PKN2: variants seen among roughly 807,000 people sequenced by gnomAD.
The protein encoded by PKN2 is protein kinase N2.
In PKN2, 38 loss-of-function variants were observed where a neutral mutation model predicts 119.1. The observed-to-expected ratio is 0.32, with a 90% CI of 0.25 to 0.42. PKN2 has a LOEUF of 0.42. PKN2 is among the 10% of genes least tolerant of loss of function. The pLI is 1.00. For synonymous variants in PKN2, 390 were observed against 384.9 expected, an observed-to-expected ratio of 1.01 and a Z score of -0.15; for missense variants, 850 against 1,165.1, an observed-to-expected ratio of 0.73 and a Z score of 3.94.
At chr1:88,709,100 A>G (rs1667120089) in intron 1 of PKN2, among the ~76,000 whole-genome samples, 1 of 151,556 alleles carries the variant, frequency 6.6e-6, no homozygotes, top group African/African-American at 2.4e-5. Flanking sequence ...GCCACCCAGG[A>G]TGGAGTACAG....
intron 1 of PKN2, among the ~76,000 whole-genome samples, chr1:88,717,382 CAG>C (rs1667497685): frequency 6.6e-6 from 1 of 152,068 alleles, no homozygotes; most frequent in African/African-American, 2.4e-5. Context: ...TAATATCCTG[CAG>C]AGTGTTTTCC....
intron 2 of PKN2, among the ~76,000 whole-genome samples, chr1:88,747,417 G>A (rs932491505): frequency 6.6e-5 from 10 of 152,042 alleles, no homozygotes; most frequent in African/African-American, 2.4e-4. Flanking sequence ...ATGGGGTACT[G>A]TTGTCATTCT....
At position 88,741,147 on chromosome 1, in the gene PKN2, A is replaced by T. The variant is rs758978121; in HGVS notation, c.208A>T (p.Arg70Trp). 6.2e-7 allele frequency: 1 copy of T among 1,612,874 alleles called. No individual in the cohort carries two copies. The highest frequency in any genetic ancestry group is 1.1e-5 in the South Asian group (1 of 90,742). ...LKIKEGAENL[R>W]KVTTDKKSLA... ...AATCAAAGAAGGAGCTGAAAATCTG[A>T]GGAAAGTCACAACAGATAAAAAAAG... is the stretch of plus-strand genomic sequence containing the variant. The change falls in exon 2 of 22, where the codon AGG becomes TGG. Residue 70 changes from arginine to tryptophan, a missense_variant. Coordinates refer to ENST00000370521, the MANE Select transcript of PKN2 (RefSeq NM_006256.4).
At chr1:88,761,189 G>A (rs779409181) in intron 3 of PKN2, among the ~76,000 whole-genome samples, 17 of 152,034 alleles carry the variant, frequency 1.1e-4, no homozygotes, top group Non-Finnish European at 2.1e-4. Context: ...GTTGTGAGCC[G>A]CTGAACCAGA....
chr1:88,769,226 A>G (rs444329), intron 3 of PKN2, among the ~76,000 whole-genome samples: 108,419 of 152,108 alleles, frequency 0.71, 39,663 homozygotes, highest in African/African-American at 0.88. Context: ...CTTAAGATAT[A>G]ACAGAAGTGT....
At chr1:88,777,298 C>T (rs958522519) in intron 6 of PKN2, among the ~76,000 whole-genome samples, 5 of 152,058 alleles carry the variant, frequency 3.3e-5, no homozygotes, top group African/African-American at 1.2e-4. Context: ...TTTGTAGACA[C>T]ATCACTTTTC....
chr1:88,722,652 G>A (rs1361042200), intron 1 of PKN2, among the ~76,000 whole-genome samples: 1 of 152,000 alleles, frequency 6.6e-6, no homozygotes, highest in African/African-American at 2.4e-5. Context: ...ACAGTGGCAC[G>A]TGCCTATATA....
intron 3 of PKN2, among the ~76,000 whole-genome samples, chr1:88,761,612 TAAAAAA>T (rs368283566): frequency 3.9e-5 from 4 of 102,020 alleles, no homozygotes; most frequent in Non-Finnish European, 6.1e-5. Flanking sequence ...CCTGTCTCTT[TAAAAAA>T]AAAAAAAAAA....
chr1:88,691,168 A>T (rs1181360521), intron 1 of PKN2, among the ~76,000 whole-genome samples: 1 of 152,012 alleles, frequency 6.6e-6, no homozygotes, highest in Non-Finnish European at 1.5e-5. Context: ...GGCTCAAGTG[A>T]TTCGCCCATC....
In PKN2 at chr1:88,834,796, C is replaced by A. The variant is rs1296414492; in HGVS notation, c.*1348C>A. 6.6e-6 allele frequency: 1 copy of A among 152,166 alleles called. No homozygotes were observed. Among genetic ancestry groups the A allele is most frequent in the East Asian group, 1.9e-4 (1 of 5,190 alleles). 9.4% of individuals were successfully genotyped at this position (152,166 alleles called of 1,614,324 possible). On this transcript the variant is annotated 3_prime_UTR_variant, in exon 22 of 22. Transcript: ENST00000370521. Reference sequence around the variant, plus strand: ...TTTACAAACCATGACTTTCCACTTGCCTGTAGTTTTTTGTTTGTTTTGGTT... The same window carrying A: ...TTTACAAACCATGACTTTCCACTTGACTGTAGTTTTTTGTTTGTTTTGGTT...
At chr1:88,770,244 A>G in intron 3 of PKN2, 108 bp from the exon 4 acceptor site, 1 of 627,882 alleles carries the variant, frequency 1.6e-6, no homozygotes, top group South Asian at 2.1e-5. Flanking sequence ...GCATTCTTTT[A>G]ACTCTGTTTT....
chr1:88,745,087 C>A (rs1305023116), intron 2 of PKN2, among the ~76,000 whole-genome samples: 1 of 152,008 alleles, frequency 6.6e-6, no homozygotes, highest in Non-Finnish European at 1.5e-5. Flanking sequence ...ATTCTATGAA[C>A]AAATTAGGTA....
intron 2 of PKN2, among the ~76,000 whole-genome samples, chr1:88,757,127 T>A (rs2100774888): frequency 6.6e-6 from 1 of 152,304 alleles, no homozygotes; most frequent in Admixed American, 6.5e-5. Context: ...TTTGGGGAAT[T>A]CAGTTAGAAT....
chr1:88,694,629 C>T (rs1666462284), intron 1 of PKN2, among the ~76,000 whole-genome samples: 1 of 152,058 alleles, frequency 6.6e-6, no homozygotes. Flanking sequence ...TGGTTAAATA[C>T]CAGGGTGTCC....
chr1:88,699,409 T>C (rs984140156), intron 1 of PKN2, among the ~76,000 whole-genome samples: 2 of 152,212 alleles, frequency 1.3e-5, no homozygotes, highest in Non-Finnish European at 2.9e-5. Context: ...TTTTTTCCCC[T>C]TTTTTAAAAA....
At chr1:88,731,566 A>G (rs939334232) in intron 1 of PKN2, among the ~76,000 whole-genome samples, 2 of 152,210 alleles carry the variant, frequency 1.3e-5, no homozygotes, top group African/African-American at 4.8e-5. Context: ...TGCTTTAAGC[A>G]TGCTTTCCCC....
At chr1:88,820,841 A>C (rs1192184476) in intron 16 of PKN2, among the ~76,000 whole-genome samples, 1 of 152,204 alleles carries the variant, frequency 6.6e-6, no homozygotes, top group Non-Finnish European at 1.5e-5. Context: ...GCTATTCTAC[A>C]CTGAAGACAT....
chr1:88,833,103 C>A lies in PKN2; in HGVS notation c.2697C>A (p.Arg899=). The A allele has an allele frequency of 6.2e-7, 1 of 1,612,690 alleles. No homozygotes were observed. Among genetic ancestry groups the A allele is most frequent in the Non-Finnish European group, 8.5e-7 (1 of 1,179,258 alleles). The change falls in exon 21 of 22, where the codon CGC becomes CGA. Residue 899 remains arginine, a synonymous_variant. Transcript: ENST00000370521. ...TGTTAAGAAGAAATCCTGAACGGCG[C>A]CTTGGGGCTAGCGAGAAAGATGCAG... is the stretch of plus-strand genomic sequence containing the variant. ...RRLLRRNPER[R]LGASEKDAED...
At chr1:88,832,619 G>A (rs1672777217) in intron 19 of PKN2, 125 bp from the exon 20 acceptor site, 10 of 603,416 alleles carry the variant, frequency 1.7e-5, no homozygotes, top group Non-Finnish European at 2.7e-5. Context: ...TGTTGTTGTT[G>A]TTGTTGTTGT....
Sources: gnomAD v4.1 joint callset for allele counts (sites outside exome capture counted in the v4.1 genomes callset) on GRCh38, gnomAD v4.1.1 for gene constraint, MANE v1.5 for transcripts, NCBI Gene and HGNC (gene_info 2026-07-23, HGNC 2026-07-21) for gene names.